The following GADL1 variants were observed in gnomAD, a reference collection of about 807,000 sequenced individuals.
GADL1 encodes GAD like acidic amino acid decarboxylase 1.
In GADL1, 71 loss-of-function variants were observed where a neutral mutation model predicts 69.5. The ratio of observed to expected loss-of-function variants is 1.02; its 90% CI spans 0.84 to 1.25. GADL1 has a LOEUF of 1.25. Ranked by LOEUF, GADL1 falls within the 50% of genes most tolerant of loss-of-function variation. The pLI is 0.00. For synonymous variants in GADL1, 254 were observed against 214.4 expected, an observed-to-expected ratio of 1.18 and a Z score of -1.62; for missense variants, 737 against 631.8, an observed-to-expected ratio of 1.17 and a Z score of -1.79.
At chr3:30,766,060 A>G (rs1367746810) in intron 14 of GADL1, among the ~76,000 whole-genome samples, 2 of 152,338 alleles carry the variant, frequency 1.3e-5, no homozygotes, top group Non-Finnish European at 1.5e-5. Flanking sequence ...TTGGAGTCAG[A>G]CATAAAAATT....
At chr3:30,767,775 G>A (rs1231396940) in intron 14 of GADL1, among the ~76,000 whole-genome samples, 1 of 152,030 alleles carries the variant, frequency 6.6e-6, no homozygotes, top group African/African-American at 2.4e-5. Context: ...TCGTACAGAA[G>A]ACTAAATACA....
intron 14 of GADL1, among the ~76,000 whole-genome samples, chr3:30,770,662 T>C (rs1696395342): frequency 6.6e-6 from 1 of 152,146 alleles, no homozygotes; most frequent in Non-Finnish European, 1.5e-5. Flanking sequence ...CTCAGGCCCA[T>C]GAGCTCAGAG....
intron 1 of GADL1, among the ~76,000 whole-genome samples, chr3:30,884,831 T>C (rs772564430): frequency 2.1e-4 from 31 of 151,072 alleles, no homozygotes; most frequent in Non-Finnish European, 3.5e-4. Context: ...AAAATACTTA[T>C]TATGCCAGGT....
intron 14 of GADL1, among the ~76,000 whole-genome samples, chr3:30,763,510 G>GGGTTGC (rs1445769388): frequency 7.6e-6 from 1 of 130,958 alleles, no homozygotes; most frequent in African/African-American, 2.9e-5. Context: ...TCGGCGGCGG[G>GGGTTGC]GGGTGGGGGT....
intron 3 of GADL1, among the ~76,000 whole-genome samples, chr3:30,855,106 C>T (rs908513424): frequency 1.3e-5 from 2 of 151,844 alleles, no homozygotes; most frequent in South Asian, 4.2e-4. Flanking sequence ...TTCATCATGC[C>T]GAGCAATTAA....
At chr3:30,779,372 G>C (rs1351763760) in intron 13 of GADL1, among the ~76,000 whole-genome samples, 1 of 152,196 alleles carries the variant, frequency 6.6e-6, no homozygotes. Context: ...CTCAATAACT[G>C]TCAGAATTAT....
At chr3:30,754,333 C>T (rs541439208) in intron 14 of GADL1, among the ~76,000 whole-genome samples, 1 of 151,542 alleles carries the variant, frequency 6.6e-6, no homozygotes, top group African/African-American at 2.4e-5. Context: ...ACTGATGAAA[C>T]AAGTTATCAA....
chr3:30,756,002 C>T (rs1695961583), intron 14 of GADL1, among the ~76,000 whole-genome samples: 1 of 152,106 alleles, frequency 6.6e-6, no homozygotes, highest in African/African-American at 2.4e-5. Context: ...TTCACACAGT[C>T]ACCTCACCCA....
At chr3:30,848,295 G>C (rs77927585) in intron 6 of GADL1, among the ~76,000 whole-genome samples, 1,833 of 152,250 alleles carry the variant, frequency 0.012, 20 homozygotes, top group Non-Finnish European at 0.018. Context: ...ATTCCTCCCA[G>C]TTGCCTCCTG....
At chr3:30,869,203 C>T (rs1023257878) in intron 1 of GADL1, among the ~76,000 whole-genome samples, 2 of 151,762 alleles carry the variant, frequency 1.3e-5, no homozygotes, top group Admixed American at 6.6e-5. Context: ...GTTTCTAAGT[C>T]AGGCATTTCT....
intron 5 of GADL1, among the ~76,000 whole-genome samples, chr3:30,850,440 A>G (rs1317939539): frequency 3.9e-5 from 6 of 152,132 alleles, no homozygotes; most frequent in Non-Finnish European, 7.4e-5. Flanking sequence ...TTTGTCACCT[A>G]ATCAATAAAA....
At chr3:30,761,895 A>G (rs1232879329) in intron 14 of GADL1, among the ~76,000 whole-genome samples, 1 of 152,184 alleles carries the variant, frequency 6.6e-6, no homozygotes, top group East Asian at 1.9e-4. Flanking sequence ...CAGGATATAT[A>G]ATATGAAGTT....
chr3:30,862,249 C>A (rs563584148), intron 1 of GADL1, among the ~76,000 whole-genome samples: 1 of 151,944 alleles, frequency 6.6e-6, no homozygotes, highest in Non-Finnish European at 1.5e-5. Flanking sequence ...CTAATCCTTT[C>A]CTCAGAGACA....
chr3:30,786,632 G>A (rs952615248), intron 12 of GADL1, among the ~76,000 whole-genome samples: 4 of 152,186 alleles, frequency 2.6e-5, no homozygotes, highest in African/African-American at 9.7e-5. Context: ...TATCTCACAT[G>A]TTAGCATCAG....
At chr3:30,851,544 C>G (rs1024532657) in intron 4 of GADL1, among the ~76,000 whole-genome samples, 1 of 152,148 alleles carries the variant, frequency 6.6e-6, no homozygotes, top group South Asian at 2.1e-4. Flanking sequence ...CGGGCTGGAA[C>G]GCTGTTGTCA....
chr3:30,754,860 A>ATTT (rs10687426), intron 14 of GADL1, among the ~76,000 whole-genome samples: 19,326 of 151,804 alleles, frequency 0.13, 1,483 homozygotes, highest in South Asian at 0.2. Flanking sequence ...CAGGGCACTG[A>ATTT]TTTTTTTTCT....
At chr3:30,850,696 C>T (rs1698133774) in intron 5 of GADL1, 139 bp downstream of exon 5, 2 of 612,312 alleles carry the variant, frequency 3.3e-6, no homozygotes, top group Non-Finnish European at 5.9e-6. Flanking sequence ...TGGAGAAAGG[C>T]ATAAGCTAGA....
chr3:30,870,050 C>T (rs538076478), intron 1 of GADL1, among the ~76,000 whole-genome samples: 1 of 151,754 alleles, frequency 6.6e-6, no homozygotes, highest in Admixed American at 6.6e-5. Context: ...TCAGCAAATA[C>T]TTATATTTAG....
intron 14 of GADL1, among the ~76,000 whole-genome samples, chr3:30,775,684 T>A (rs894208194): frequency 3.3e-5 from 5 of 151,512 alleles, no homozygotes; most frequent in African/African-American, 1.2e-4. Flanking sequence ...GGATGGAGAG[T>A]CCAAGATGGC....
Sources: allele counts gnomAD v4.1 joint callset (sites outside exome capture counted in the v4.1 genomes callset), GRCh38; gene constraint gnomAD v4.1.1; transcripts MANE v1.5; gene names NCBI Gene and HGNC (gene_info 2026-07-23, HGNC 2026-07-21).